TBC1D21: variants seen among roughly 807,000 people sequenced by gnomAD.
The protein encoded by TBC1D21 is male germ cell Rab GTPase-activating protein.
A neutral mutation model predicts 46.0 loss-of-function variants in TBC1D21; 38 were observed. The observed-to-expected ratio is 0.83, with a 90% CI of 0.64 to 1.08. The LOEUF is 1.08. TBC1D21 is among the 50% of genes least tolerant of loss of function. The pLI is 0.00. For synonymous variants in TBC1D21, 151 were observed against 157.2 expected (o/e 0.96, Z 0.29); for missense variants, 415 against 417.9 (o/e 0.99, Z 0.06).
chr15:73,879,718 A>G (rs1229019932), intron 1 of TBC1D21, among the ~76,000 whole-genome samples: 2 of 152,190 alleles, frequency 1.3e-5, no homozygotes, highest in Non-Finnish European at 2.9e-5. Context: ...ACTAATGGGA[A>G]GTTGGGAGTG....
At chr15:73,896,254 A>C in the TBC1D21 span, among the ~76,000 whole-genome samples, 1 of 152,198 alleles carries the variant, frequency 6.6e-6, no homozygotes, top group African/African-American at 2.4e-5. Flanking sequence ...GAGATGACAG[A>C]GGTCATGTTA....
At chr15:73,874,090 T>C (rs2068016823) in intron 1 of TBC1D21, among the ~76,000 whole-genome samples, 1 of 152,260 alleles carries the variant, frequency 6.6e-6, no homozygotes. Context: ...TTTGGTATAC[T>C]GCCACCAGGT....
At chr15:73,889,599 G>C (rs1365190644), downstream of TBC1D21, among the ~76,000 whole-genome samples, 1 of 152,200 alleles carries the variant, frequency 6.6e-6, no homozygotes, top group Admixed American at 6.5e-5. Flanking sequence ...ACACAATTAA[G>C]TCATTTTTTC....
intron 4 of TBC1D21, 52 bp downstream of exon 4, chr15:73,884,297 C>T (rs755585850): frequency 1.3e-6 from 2 of 1,512,248 alleles, no homozygotes; most frequent in African/African-American, 2.7e-5. Flanking sequence ...TTGAAGCCAA[C>T]CCTGCCCCCT....
intron 9 of TBC1D21, 106 bp from the exon 10 acceptor site, chr15:73,888,324 G>C (rs1369786821): frequency 2.2e-6 from 2 of 916,522 alleles, no homozygotes; most frequent in Non-Finnish European, 3.4e-6. Flanking sequence ...ACTGCTGTGA[G>C]CAGCATCCTT....
In TBC1D21 at chr15:73,884,773, C is replaced by A. The variant is rs572219120; in HGVS notation, c.368-8C>A. The A allele has an allele frequency of 6.2e-7, 1 of 1,611,734 alleles. No homozygotes were observed. Among genetic ancestry groups the A allele is most frequent in the Non-Finnish European group, 8.5e-7 (1 of 1,178,108 alleles). ...GTGCCACCTACTTGCCCCTTGCTTC[C>A]AACCTAGCACGTGACATTCAGAAAA... On this transcript the variant is annotated splice_polypyrimidine_tract_variant and splice_region_variant and intron_variant, in intron 4 of 10. Coordinates refer to ENST00000300504, the MANE Select transcript of TBC1D21 (RefSeq NM_153356.3).
At chr15:73,888,279 AAG>A in intron 9 of TBC1D21, 149 bp from the exon 10 acceptor site, 1 of 636,472 alleles carries the variant, frequency 1.6e-6, no homozygotes. Context: ...GCATTGAGCC[AAG>A]CAGGCTGGGG....
chr15:73,888,118 T>C (rs1262980162), intron 9 of TBC1D21, among the ~76,000 whole-genome samples: 1 of 152,186 alleles, frequency 6.6e-6, no homozygotes, highest in African/African-American at 2.4e-5. Flanking sequence ...GCTACTGAAG[T>C]CTTTGTTGGA....
At chr15:73,887,540 G>C in intron 8 of TBC1D21, 80 bp from the exon 9 acceptor site, 1 of 1,223,908 alleles carries the variant, frequency 8.2e-7, no homozygotes, top group Non-Finnish European at 1.2e-6. Flanking sequence ...CCAGGCACGT[G>C]GTTGGTGGGT....
intron 1 of TBC1D21, among the ~76,000 whole-genome samples, chr15:73,880,677 A>AGGAGAATCGCTTGAACCT (rs2068137925): frequency 6.6e-6 from 1 of 152,216 alleles, no homozygotes; most frequent in Non-Finnish European, 1.5e-5. Flanking sequence ...AAGCTGAAGC[A>AGGAGAATCGCTTGAACCT]GGAGAATCGC....
chr15:73,891,926 G>A (rs528571704), downstream of TBC1D21, among the ~76,000 whole-genome samples: 1 of 152,362 alleles, frequency 6.6e-6, no homozygotes, highest in African/African-American at 2.4e-5. Flanking sequence ...GACAGCAGGA[G>A]GCAGGCAGAT....
chr15:73,889,619 C>T (rs1259513156), downstream of TBC1D21, among the ~76,000 whole-genome samples: 4 of 152,212 alleles, frequency 2.6e-5, no homozygotes, highest in Non-Finnish European at 5.9e-5. Context: ...CCAGAGATTT[C>T]CTGCTAGTCT....
chr15:73,884,988 C>T lies in TBC1D21; in HGVS notation c.479-15C>T. 4 of 1,613,222 alleles carry T rather than the reference C, an allele frequency of 2.5e-6. No homozygotes were observed. Among genetic ancestry groups the T allele is most frequent in the Non-Finnish European group, 1.7e-6 (2 of 1,179,352 alleles). The stretch of plus-strand genomic sequence containing the variant: ...CCCACCCAGCCCCTCCTCCCCAACC[C>T]CCTCTTCGCCACAGAGTACCAGCAG... On this transcript the variant is annotated splice_polypyrimidine_tract_variant and intron_variant, in intron 5 of 10. Coordinates refer to ENST00000300504, the MANE Select transcript of TBC1D21 (RefSeq NM_153356.3).
Position 73,887,734 on chromosome 15 carries a change from C to T in TBC1D21, c.892C>T (p.Leu298=), listed in dbSNP as rs573396071. The T allele has an allele frequency of 9.9e-6, 16 of 1,612,792 alleles. No homozygotes were observed. Among genetic ancestry groups the T allele is most frequent in the Non-Finnish European group, 1.3e-5 (15 of 1,179,334 alleles). The change falls in exon 9 of 11, where the codon CTG becomes TTG. Residue 298 remains leucine (L), a splice_region_variant and synonymous_variant. Transcript: ENST00000300504. ...QESMGGDDIL[L]ACNNLIDLDA... Reference sequence around the variant, plus strand: ...AAGCATGGGCGGGGATGACATCCTCCTGGTGAGAGCACCCTCGGGCAAGCT... The same window carrying T: ...AAGCATGGGCGGGGATGACATCCTCTTGGTGAGAGCACCCTCGGGCAAGCT...
downstream of TBC1D21, among the ~76,000 whole-genome samples, chr15:73,892,705 G>A (rs1407784877): frequency 6.6e-6 from 1 of 152,254 alleles, no homozygotes; most frequent in Admixed American, 6.5e-5. Flanking sequence ...CCCTTGGCAA[G>A]TGTGGGCTCC....
chr15:73,876,226 T>TGG (rs1567062396), intron 1 of TBC1D21, among the ~76,000 whole-genome samples: 2 of 33,644 alleles, frequency 5.9e-5, no homozygotes, highest in Non-Finnish European at 1.1e-4. Flanking sequence ...TTTTTTTTTT[T>TGG]TTTTTTTTTT....
chr15:73,885,651 ACCCTCCCTCAT>A (rs2068231277), intron 6 of TBC1D21, among the ~76,000 whole-genome samples: 1 of 148,980 alleles, frequency 6.7e-6, no homozygotes, highest in Admixed American at 6.7e-5. Context: ...GCTGCCCAGA[ACCCTCCCTCAT>A]CCCTCCCTCC....
intron 8 of TBC1D21, 44 bp from the exon 9 acceptor site, chr15:73,887,576 A>C: frequency 6.4e-7 from 1 of 1,556,436 alleles, no homozygotes; most frequent in Non-Finnish European, 8.9e-7. Flanking sequence ...GGGCATCTGC[A>C]GTCTCAGACC....
chr15:73,886,381 TG>T, intron 7 of TBC1D21, 130 bp from the exon 8 acceptor site: 1 of 933,660 alleles, frequency 1.1e-6, no homozygotes, highest in Non-Finnish European at 1.7e-6. Context: ...CCAGGGCAGC[TG>T]GAAAAGGGGC....
Sources: allele counts gnomAD v4.1 joint callset (sites outside exome capture counted in the v4.1 genomes callset), GRCh38; gene constraint gnomAD v4.1.1; transcripts MANE v1.5; gene names NCBI Gene and HGNC (gene_info 2026-07-23, HGNC 2026-07-21).